Variants in TNFRSF10A observed in about 807,000 individuals in gnomAD.
The protein encoded by TNFRSF10A is tumor necrosis factor receptor superfamily member 10A.
In TNFRSF10A, 44 loss-of-function variants were observed where a neutral mutation model predicts 42.8. The ratio of observed to expected loss-of-function variants is 1.03; its 90% confidence interval spans 0.81 to 1.32. The LOEUF is 1.32. Ranked by LOEUF, TNFRSF10A falls within the 40% of genes most tolerant of loss-of-function variation. The pLI is 0.00. For missense variants in TNFRSF10A, 680 were observed against 602.0 expected (o/e 1.13, Z -1.36); for synonymous variants, 259 against 234.2 (o/e 1.11, Z -0.97).
At chr8:23,193,010 T>G (rs1800776736) in intron 9 of TNFRSF10A, among the ~76,000 whole-genome samples, 1 of 152,212 alleles carries the variant, frequency 6.6e-6, no homozygotes, top group Admixed American at 6.5e-5. Context: ...TCCTACTTTC[T>G]TACACATTGT....
At chr8:23,217,952 C>A (rs1279656863) in intron 1 of TNFRSF10A, among the ~76,000 whole-genome samples, 2 of 152,178 alleles carry the variant, frequency 1.3e-5, no homozygotes, top group Non-Finnish European at 2.9e-5. Flanking sequence ...GAAAGGTCCA[C>A]ATAGAGGGAA....
chr8:23,217,858 C>T (rs1328190607), intron 1 of TNFRSF10A, among the ~76,000 whole-genome samples: 1 of 152,164 alleles, frequency 6.6e-6, no homozygotes, highest in Non-Finnish European at 1.5e-5. Flanking sequence ...TGAGGCACAG[C>T]CATCAATAAC....
At chr8:23,194,501 C>G (rs1585278503) in intron 9 of TNFRSF10A, among the ~76,000 whole-genome samples, 1 of 152,058 alleles carries the variant, frequency 6.6e-6, no homozygotes, top group Non-Finnish European at 1.5e-5. Flanking sequence ...GACTACAAGC[C>G]CAACCAAAAC....
chr8:23,198,445 C>T (rs150727298), intron 8 of TNFRSF10A, among the ~76,000 whole-genome samples: 198 of 151,918 alleles, frequency 1.3e-3, no homozygotes, highest in African/African-American at 4.5e-3. Flanking sequence ...AATATTAGAA[C>T]AAAAAGGGGC....
intron 1 of TNFRSF10A, among the ~76,000 whole-genome samples, chr8:23,222,204 A>T (rs777577326): frequency 6.6e-5 from 10 of 152,148 alleles, no homozygotes; most frequent in Non-Finnish European, 1.2e-4. Flanking sequence ...GTGTGAGAGT[A>T]AAACTGGCAC....
chr8:23,198,335 G>A (rs1050686613), intron 8 of TNFRSF10A, among the ~76,000 whole-genome samples: 2 of 152,166 alleles, frequency 1.3e-5, no homozygotes, highest in Non-Finnish European at 2.9e-5. Context: ...AGAGGAGTTC[G>A]TCTTGTGTTG....
chr8:23,207,174 A>G (rs1224942862), intron 2 of TNFRSF10A: 4 of 600,178 alleles, frequency 6.7e-6, no homozygotes, highest in South Asian at 2.7e-5. Context: ...AGAAGACGAC[A>G]ACAACACACT....
chr8:23,218,783 C>T (rs1270282775), intron 1 of TNFRSF10A, among the ~76,000 whole-genome samples: 1 of 152,202 alleles, frequency 6.6e-6, no homozygotes, highest in African/African-American at 2.4e-5. Flanking sequence ...TCCTGCCCAG[C>T]CCCTCTACTG....
chr8:23,207,337 T>C, intron 2 of TNFRSF10A: 2 of 591,512 alleles, frequency 3.4e-6, no homozygotes, highest in South Asian at 2.7e-5. Flanking sequence ...TTACCATGTC[T>C]TGGATGTTGC....
chr8:23,214,817 T>C (rs1011239210), intron 1 of TNFRSF10A, among the ~76,000 whole-genome samples: 2 of 152,192 alleles, frequency 1.3e-5, no homozygotes, highest in Admixed American at 1.3e-4. Context: ...AAATATTAAA[T>C]AATGAACTTC....
intron 9 of TNFRSF10A, among the ~76,000 whole-genome samples, chr8:23,195,470 T>C (rs1348440292): frequency 6.6e-6 from 1 of 152,250 alleles, no homozygotes; most frequent in African/African-American, 2.4e-5. Flanking sequence ...TTTGTGACTA[T>C]TAATTCATGG....
At chr8:23,203,033 A>G (rs1046544562) in intron 2 of TNFRSF10A, among the ~76,000 whole-genome samples, 6 of 152,246 alleles carry the variant, frequency 3.9e-5, no homozygotes, top group African/African-American at 1.4e-4. Context: ...TAATTTTAAC[A>G]ATGTACTTTT....
At chr8:23,203,549 C>T (rs758244923) in intron 2 of TNFRSF10A, among the ~76,000 whole-genome samples, 1 of 152,236 alleles carries the variant, frequency 6.6e-6, no homozygotes, top group Non-Finnish European at 1.5e-5. Flanking sequence ...CCTTCACCTC[C>T]AGGGCTTCGC....
At chr8:23,207,406 T>C in intron 2 of TNFRSF10A, 2 of 517,372 alleles carry the variant, frequency 3.9e-6, no homozygotes, top group Non-Finnish European at 7.4e-6. Context: ...TACATGTATA[T>C]GTTTTCACCA....
At chr8:23,214,415 G>A (rs1454268140) in intron 1 of TNFRSF10A, among the ~76,000 whole-genome samples, 1 of 149,568 alleles carries the variant, frequency 6.7e-6, no homozygotes, top group East Asian at 1.9e-4. Flanking sequence ...GTGAACCTGA[G>A]AGACGGAGCT....
intron 2 of TNFRSF10A, among the ~76,000 whole-genome samples, chr8:23,205,030 A>C (rs910120968): frequency 2.6e-5 from 4 of 152,012 alleles, no homozygotes; most frequent in Non-Finnish European, 5.9e-5. Context: ...AAGAAGAGCA[A>C]ACTATAGATA....
chr8:23,201,303 C>A (rs1315384007), intron 4 of TNFRSF10A, among the ~76,000 whole-genome samples: 1 of 152,076 alleles, frequency 6.6e-6, no homozygotes, highest in Non-Finnish European at 1.5e-5. Context: ...GGCTCAGGTC[C>A]TCATGGGAAC....
chr8:23,224,542 G>A (rs1801305851), intron 1 of TNFRSF10A: 4 of 593,620 alleles, frequency 6.7e-6, no homozygotes, highest in Admixed American at 6.8e-5. Flanking sequence ...AGCCTCCTGC[G>A]GGAGGGGGCT....
rs1563375171 is a variant in TNFRSF10A, at chr8:23,191,685, AAG to A, written c.*7_*8del. 1 of 1,608,366 alleles carries A rather than the reference AAG, an allele frequency of 6.2e-7. No homozygotes were observed. Among genetic ancestry groups the A allele is most frequent in the Admixed American group, 1.7e-5 (1 of 59,080 alleles). On this transcript the variant is annotated 3_prime_UTR_variant, in exon 10 of 10. Coordinates refer to ENST00000221132, the MANE Select transcript of TNFRSF10A (RefSeq NM_003844.4). ...CACCTAAGAGGAAACCTCTGGTAAA[AAG>A]AGTCTTTCACTCCAAGGACACGGCA... is the stretch of plus-strand genomic sequence containing the variant.
Sources: allele counts gnomAD v4.1 joint callset (sites outside exome capture counted in the v4.1 genomes callset), GRCh38; gene constraint gnomAD v4.1.1; transcripts MANE v1.5; gene names NCBI Gene and HGNC (gene_info 2026-07-23, HGNC 2026-07-21).